Variants in LRRC47 observed in about 807,000 individuals in gnomAD.
LRRC47 encodes leucine-rich repeat-containing protein 47.
In LRRC47, 31 loss-of-function variants were observed where a neutral mutation model predicts 40.9. The ratio of observed to expected loss-of-function variants is 0.76; its 90% CI spans 0.57 to 1.02. The LOEUF (loss-of-function observed/expected upper bound fraction) is 1.02. Among genes scored for constraint, LRRC47 ranks in the 50% least tolerant of loss-of-function variants. The pLI is 0.00. For synonymous variants in LRRC47, 427 were observed against 371.9 expected, an observed-to-expected ratio of 1.15 and a Z score of -1.70; for missense variants, 726 against 796.1, an observed-to-expected ratio of 0.91 and a Z score of 1.06.
At chr1:3,789,941 G>A (rs1000488149) in intron 1 of LRRC47, among the ~76,000 whole-genome samples, 7 of 152,220 alleles carry the variant, frequency 4.6e-5, no homozygotes, top group African/African-American at 9.6e-5. Context: ...GCAAGCAGGC[G>A]CGCCCGCAAG....
At chr1:3,791,446 C>A (rs1331617743) in intron 1 of LRRC47, among the ~76,000 whole-genome samples, 9 of 152,078 alleles carry the variant, frequency 5.9e-5, no homozygotes, top group African/African-American at 2.2e-4. Flanking sequence ...TTTTCCTTTC[C>A]TCCCCCTTCT....
intron 4 of LRRC47, 32 bp downstream of exon 4, chr1:3,783,964 C>A (rs747505620): frequency 6.4e-7 from 1 of 1,566,178 alleles, no homozygotes; most frequent in African/African-American, 1.4e-5. Flanking sequence ...CTCCCCCGGG[C>A]CCGGCCCCAC....
rs1643512766 is a variant in LRRC47 at position 3,780,960 on chromosome 1, G to C, written c.*128C>G. On this transcript the variant is annotated 3_prime_UTR_variant, in exon 7 of 7. Transcript: ENST00000378251. The stretch of plus-strand genomic sequence containing the variant: ...CACTGCACTCCAGCCTGGCGACAGA[G>C]CGAGACTCCATCTCAAAAAAAAAAA... 2.2e-6 allele frequency: 3 copies of C among 1,394,558 alleles called. No individual in the cohort carries two copies. The highest frequency in any genetic ancestry group is 1.9e-6 in the Non-Finnish European group (2 of 1,031,520). 86.4% of individuals were successfully genotyped at this position (1,394,558 alleles called of 1,614,324 possible).
At chr1:3,787,404 CAA>C (rs1243293292) in intron 1 of LRRC47, 94 bp from the exon 2 acceptor site, 18 of 1,232,960 alleles carry the variant, frequency 1.5e-5, no homozygotes, top group Non-Finnish European at 1.9e-5. Context: ...TCATCACTCA[CAA>C]GAGCCACCAC....
At position 3,786,938 on chromosome 1, in the gene LRRC47, G is replaced by T. The variant is rs542812217; in HGVS notation, c.988C>A (p.Arg330=). The T allele has an allele frequency of 3.7e-6, 6 of 1,608,840 alleles. No individual in the cohort carries two copies. In the South Asian group the frequency reaches 5.6e-5, roughly 15 times the overall value. ...CCCACAATGTAGGGCCGCACATCCC[G>T]GACCTCGGGGCTCACTCTGACTGTC... ...PLTVRVSPEV[R]DVRPYIVGAV... The change falls in exon 2 of 7, where the codon CGG becomes AGG. Residue 330 remains arginine, a synonymous_variant. Coordinates refer to ENST00000378251, the MANE Select transcript of LRRC47 (RefSeq NM_020710.3).
chr1:3,786,783 T>A, intron 2 of LRRC47, 66 bp downstream of exon 2: 1 of 1,430,544 alleles, frequency 7.0e-7, no homozygotes. Flanking sequence ...GGCCTCAGGA[T>A]GTGTCCCAGC....
At chr1:3,785,692 C>T (rs1252991697) in intron 2 of LRRC47, among the ~76,000 whole-genome samples, 1 of 152,194 alleles carries the variant, frequency 6.6e-6, no homozygotes, top group Admixed American at 6.5e-5. Context: ...AAAAGTTGGT[C>T]AGGTGTCACA....
intron 6 of LRRC47, 32 bp downstream of exon 6, chr1:3,781,480 G>C (rs992799336): frequency 1.2e-6 from 2 of 1,603,508 alleles, no homozygotes; most frequent in African/African-American, 2.7e-5. Flanking sequence ...ACGCTCAAAA[G>C]CGTTTCTCAG....
chr1:3,786,314 A>G (rs2124611219), intron 2 of LRRC47, among the ~76,000 whole-genome samples: 1 of 152,260 alleles, frequency 6.6e-6, no homozygotes, highest in Admixed American at 6.5e-5. Context: ...CCTGGCCAAC[A>G]TGGTGAAACC....
chr1:3,783,986 C>T lies in LRRC47; in HGVS notation c.1310+10G>A, dbSNP rs761856310. On this transcript the variant is annotated intron_variant, in intron 4 of 6. Transcript: ENST00000378251. ...GGGCCCGGCCCCACCCCACCAGGCA[C>T]GCTGCCCACCTGTGCAGGCCCGACA... The T allele has an allele frequency of 3.8e-6, 6 of 1,597,848 alleles. No homozygotes were observed. Among genetic ancestry groups the T allele is most frequent in the East Asian group, 2.3e-5 (1 of 44,410 alleles).
chr1:3,783,691 G>A (rs1643543403), intron 4 of LRRC47: 1 of 309,960 alleles, frequency 3.2e-6, no homozygotes, highest in Non-Finnish European at 6.0e-6. Context: ...TGGCATTTAT[G>A]TCTGTTTCCT....
At chr1:3,791,865 C>G (rs1240976388) in intron 1 of LRRC47, among the ~76,000 whole-genome samples, 4 of 152,126 alleles carry the variant, frequency 2.6e-5, no homozygotes, top group Non-Finnish European at 2.9e-5. Context: ...GCGTTCACCC[C>G]ACCTCAGCCT....
At position 3,781,080 on chromosome 1, in the gene LRRC47, C is replaced by T. The variant is rs1215997811; in HGVS notation, c.*8G>A. On this transcript the variant is annotated 3_prime_UTR_variant, in exon 7 of 7. Coordinates refer to ENST00000378251, the MANE Select transcript of LRRC47 (RefSeq NM_020710.3). ...CGGCCAAACAAACGCGGACAGGCGG[C>T]CCTGGCGTCAGCGCACGACAGTCAC... 3 of 1,610,440 alleles carry T rather than the reference C, an allele frequency of 1.9e-6. No individual in the cohort carries two copies. The highest frequency in any genetic ancestry group is 2.5e-6 in the Non-Finnish European group (3 of 1,177,620).
At chr1:3,795,750 G>A (rs760598116) in intron 1 of LRRC47, 112 bp downstream of exon 1, 51 of 1,334,882 alleles carry the variant, frequency 3.8e-5, no homozygotes, top group Non-Finnish European at 4.8e-5. Context: ...GGAATTCCCT[G>A]GGCCCAGTGC....
chr1:3,792,486 A>T (rs1425891156), intron 1 of LRRC47, among the ~76,000 whole-genome samples: 3 of 145,344 alleles, frequency 2.1e-5, no homozygotes, highest in African/African-American at 7.9e-5. Context: ...TTTGAGACGC[A>T]GTCTCACTTT....
rs1643675223 is a variant in LRRC47, at chr1:3,796,252, C to A, written c.225G>T (p.Pro75=). Reference sequence around the variant, plus strand: ...GCCGCAGCACGAGGCTGTGCAGCTGCGGCAGGCCCTGCGCCAGGCCAGGCC... The same window carrying A: ...GCCGCAGCACGAGGCTGTGCAGCTGAGGCAGGCCCTGCGCCAGGCCAGGCC... ...APGPGLAQGL[P]QLHSLVLRRN... The change falls in exon 1 of 7, where the codon CCG becomes CCT. Residue 75 remains proline (P), a synonymous_variant. Transcript: ENST00000378251. 6.9e-7 allele frequency: 1 copy of A among 1,458,130 alleles called. No individual in the cohort carries two copies. Among genetic ancestry groups the A allele is most frequent in the East Asian group, 3.0e-5 (1 of 33,758 alleles). 90.3% of individuals were successfully genotyped at this position (1,458,130 alleles called of 1,614,324 possible).
In LRRC47 at chr1:3,781,436, G is replaced by T. The variant is rs187371771; in HGVS notation, c.1503+76C>A. 5.3e-5 allele frequency: 84 copies of T among 1,573,432 alleles called. No individual in the cohort carries two copies. The African/African-American group carries it at 1.1e-3, about 21-fold the overall frequency. ...CAGTAAGCAAAAAAGAGGCAAGCAG[G>T]ACGGGTGGGAAGTCAAGGAGCAGAG... On this transcript the variant is annotated intron_variant, in intron 6 of 6. Coordinates refer to ENST00000378251, the MANE Select transcript of LRRC47 (RefSeq NM_020710.3).
In LRRC47 at chr1:3,795,995, G is replaced by A; in HGVS notation, c.482C>T (p.Thr161Ile). 6.4e-7 allele frequency: 1 copy of A among 1,568,422 alleles called. No homozygotes were observed. The highest frequency in any genetic ancestry group is 8.6e-7 in the Non-Finnish European group (1 of 1,158,360). ...CAPRLQSLNL[T>I]GNCLDSFPAE... ...GGGAAAGGAGTCTAGGCAATTGCCG[G>A]TGAGGTTGAGGCTCTGCAGGCGCGG... is the stretch of plus-strand genomic sequence containing the variant. Residue 161 changes from threonine to isoleucine, a missense_variant, in exon 1 of 7, where the codon ACC becomes ATC. Physicochemically the swap from Thr to Ile is moderately conservative, Grantham distance 89 (BLOSUM62 -1). Transcript: ENST00000378251.
chr1:3,792,360 G>C (rs1396732684), intron 1 of LRRC47, among the ~76,000 whole-genome samples: 1 of 151,996 alleles, frequency 6.6e-6, no homozygotes, highest in Non-Finnish European at 1.5e-5. Flanking sequence ...ACCTCTTTTG[G>C]GATTTAGAAA....
Sources: gnomAD v4.1 joint callset for allele counts (sites outside exome capture counted in the v4.1 genomes callset) on GRCh38, gnomAD v4.1.1 for gene constraint, MANE v1.5 for transcripts, NCBI Gene and HGNC (gene_info 2026-07-23, HGNC 2026-07-21) for gene names.